The following ATP2B2 variants were observed in gnomAD, a reference collection of about 807,000 sequenced individuals.
ATP2B2 encodes the protein ATPase plasma membrane Ca2+ transporting 2, also known as plasma membrane calcium-transporting ATPase 2.
Under a neutral mutation model 120.0 loss-of-function variants are expected in ATP2B2, and 15 were observed. The observed-to-expected ratio is 0.12, with a 90% CI of 0.08 to 0.19. ATP2B2 has a LOEUF of 0.19. Among genes scored for constraint, ATP2B2 ranks in the 10% least tolerant of loss-of-function variants. The pLI is 1.00. For synonymous variants in ATP2B2, 694 were observed against 700.3 expected (o/e 0.99, Z 0.14); for missense variants, 1,045 against 1,719.8 (o/e 0.61, Z 6.94).
At chr3:10,493,775 C>A (rs2066028144) in intron 1 of ATP2B2, among the ~76,000 whole-genome samples, 1 of 152,086 alleles carries the variant, frequency 6.6e-6, no homozygotes, top group African/African-American at 2.4e-5. Flanking sequence ...GGCTGGAGAT[C>A]ATGACTCCAG....
At chr3:10,452,447 C>T (rs139161288) in intron 1 of ATP2B2, among the ~76,000 whole-genome samples, 2,825 of 152,268 alleles carry the variant, frequency 0.019, 39 homozygotes, top group Non-Finnish European at 0.03. Flanking sequence ...GCACTAGGTC[C>T]GTGCAGGGAT....
chr3:10,336,113 A>T (rs1441315986), intron 22 of ATP2B2: 4 of 1,549,658 alleles, frequency 2.6e-6, no homozygotes, highest in Middle Eastern at 3.4e-4. Context: ...CGGAGGCAGT[A>T]AGGAGTCACA....
chr3:10,651,273 G>C (rs912571678), intron 1 of ATP2B2, among the ~76,000 whole-genome samples: 8 of 152,334 alleles, frequency 5.3e-5, no homozygotes, highest in African/African-American at 1.2e-4. Context: ...GGGTTTGGCT[G>C]TGTCCCCACC....
intron 16 of ATP2B2, among the ~76,000 whole-genome samples, chr3:10,348,114 T>C (rs2060479067): frequency 6.6e-6 from 1 of 152,104 alleles, no homozygotes; most frequent in Admixed American, 6.5e-5. Context: ...CACCCAGGAC[T>C]CTGTCTCAGG....
At chr3:10,336,039 G>A (rs2125346719) in intron 22 of ATP2B2, 1 of 1,427,920 alleles carries the variant, frequency 7.0e-7, no homozygotes, top group Non-Finnish European at 9.5e-7. Flanking sequence ...GTGACCGGCT[G>A]CCCCCCATGT....
At position 10,688,820 on chromosome 3, in the gene ATP2B2, G is replaced by A. The variant is rs191618407; in HGVS notation, c.-460+19095C>T. Among the ~76,000 whole-genome samples the A allele has an allele frequency of 4.4e-4, 67 of 152,348 alleles. 1 individual carries two copies. Among genetic ancestry groups the A allele is most frequent in the African/African-American group, 1.5e-3 (62 of 41,574 alleles). ...TGGAATTCCTCGCTTGACTGAGGAT[G>A]GAAATGCAGTGAAGACATCTTGGGA... On this transcript the variant is annotated intron_variant, in intron 1 of 21. Coordinates refer to the ATP2B2 transcript ENST00000646379.
intron 2 of ATP2B2, among the ~76,000 whole-genome samples, chr3:10,557,992 G>T (rs115879186): frequency 6.6e-6 from 1 of 152,154 alleles, no homozygotes; most frequent in Non-Finnish European, 1.5e-5. Flanking sequence ...GTGATACAGG[G>T]ACATAATGTA....
chr3:10,331,696 T>C lies in ATP2B2; in HGVS notation c.3421-2571A>G, dbSNP rs528902533. On this transcript the variant is annotated intron_variant, in intron 22 of 22. Coordinates refer to ENST00000360273, the MANE Select transcript of ATP2B2 (RefSeq NM_001001331.4). ...GGCTCTTCCATCTCCCCTCCCTGCCTACCCTAAAGGTAGGAATTTTTTTTT... is the reference window on the plus strand; with the variant it reads ...GGCTCTTCCATCTCCCCTCCCTGCCCACCCTAAAGGTAGGAATTTTTTTTT... Among the ~76,000 whole-genome samples, 15 of 141,070 alleles carry C rather than the reference T, an allele frequency of 1.1e-4. No homozygotes were observed. The East Asian group carries it at 3.1e-3, about 29-fold the overall frequency. The allele number at this position is 141,070 out of a possible 152,430, so 92.5% of individuals were successfully genotyped here. A position where few individuals can be genotyped will look rare whatever the true frequency, so the allele number is the denominator to read the frequency against.
At chr3:10,611,024 T>C (rs2069222463) in intron 2 of ATP2B2, among the ~76,000 whole-genome samples, 1 of 152,164 alleles carries the variant, frequency 6.6e-6, no homozygotes, top group Admixed American at 6.5e-5. Context: ...GGATGCACCC[T>C]TTTCACAGAT....
At chr3:10,539,408 T>A (rs1328189171) in intron 2 of ATP2B2, among the ~76,000 whole-genome samples, 2 of 152,192 alleles carry the variant, frequency 1.3e-5, no homozygotes, top group Non-Finnish European at 2.9e-5. Context: ...AGAGCCCACA[T>A]TTCTAAGACA....
intron 2 of ATP2B2, among the ~76,000 whole-genome samples, chr3:10,550,501 TG>T (rs1575486667): frequency 6.6e-6 from 1 of 152,204 alleles, no homozygotes; most frequent in Non-Finnish European, 1.5e-5. Flanking sequence ...GCACATTTTT[TG>T]TCTATGTGAT....
intron 2 of ATP2B2, among the ~76,000 whole-genome samples, chr3:10,607,090 A>C (rs183350557): frequency 6.6e-6 from 1 of 152,270 alleles, no homozygotes; most frequent in African/African-American, 2.4e-5. Context: ...TACTTTTTAA[A>C]AATGTTCTAT....
intron 1 of ATP2B2, among the ~76,000 whole-genome samples, chr3:10,682,250 G>T (rs113104535): frequency 6.6e-6 from 1 of 152,176 alleles, no homozygotes; most frequent in African/African-American, 2.4e-5. Context: ...TCTTTGCCCT[G>T]ATAGCAAGTT....
At chr3:10,518,158 T>C (rs551658848) in intron 3 of ATP2B2, among the ~76,000 whole-genome samples, 16 of 152,336 alleles carry the variant, frequency 1.1e-4, no homozygotes, top group African/African-American at 2.9e-4. Context: ...TTCTAGCATA[T>C]ACTTTGCATC....
At chr3:10,538,185 A>G (rs2067359866) in intron 2 of ATP2B2, among the ~76,000 whole-genome samples, 2 of 152,142 alleles carry the variant, frequency 1.3e-5, no homozygotes, top group Non-Finnish European at 1.5e-5. Flanking sequence ...TTCCTCTTCT[A>G]TTTACTGGAA....
intron 2 of ATP2B2, among the ~76,000 whole-genome samples, chr3:10,417,398 C>T (rs538125955): frequency 1.2e-4 from 18 of 152,314 alleles, no homozygotes; most frequent in African/African-American, 4.1e-4. Flanking sequence ...GAAGGACTTT[C>T]TAATGGGTGA....
At chr3:10,513,815 C>T (rs1575445219) in intron 3 of ATP2B2, among the ~76,000 whole-genome samples, 1 of 152,160 alleles carries the variant, frequency 6.6e-6, no homozygotes, top group African/African-American at 2.4e-5. Context: ...GCTCAGGACT[C>T]TCAATCCAGT....
At chr3:10,616,742 C>CT (rs1249303439) in intron 2 of ATP2B2, among the ~76,000 whole-genome samples, 1 of 152,146 alleles carries the variant, frequency 6.6e-6, no homozygotes, top group East Asian at 1.9e-4. Context: ...TCTAACTCCT[C>CT]TTTGTGATTA....
In ATP2B2 at chr3:10,372,044, A is replaced by G; in HGVS notation, c.1424T>C (p.Met475Thr). Residue 475 changes from methionine (M) to threonine (T), a missense_variant, in exon 12 of 23, where the codon ATG (methionine) becomes ACG (threonine). Coordinates refer to ENST00000360273, the MANE Select transcript of ATP2B2 (RefSeq NM_001001331.4). ...GTGGCGTACCAGGTTGTTGTCCTTC[A>G]TCATTTTCTGGGAGAAGGGGCAGGT... ...ISLAYSVKKM[M>T]KDNNLVRHLD... 1.2e-6 allele frequency: 2 copies of G among 1,614,210 alleles called. No individual in the cohort carries two copies. Among genetic ancestry groups the G allele is most frequent in the Non-Finnish European group, 1.7e-6 (2 of 1,180,030 alleles).
Sources: allele counts gnomAD v4.1 joint callset (sites outside exome capture counted in the v4.1 genomes callset), GRCh38; gene constraint gnomAD v4.1.1; transcripts MANE v1.5; gene names NCBI Gene and HGNC (gene_info 2026-07-23, HGNC 2026-07-21).